ZNF43: variants seen among roughly 807,000 people sequenced by gnomAD.
The protein encoded by ZNF43 is zinc finger protein 39-like 1 (KOX 27).
In ZNF43, 44 loss-of-function variants were observed where a neutral mutation model predicts 68.4. That is an observed-to-expected ratio of 0.64 (90% confidence interval 0.51 to 0.83). ZNF43 has a LOEUF of 0.83. Ranked by LOEUF, ZNF43 falls within the 40% of genes least tolerant of loss-of-function variation. ZNF43 has a pLI of 0.00. For missense variants in ZNF43, 896 were observed against 933.2 expected (o/e 0.96, Z 0.52); for synonymous variants, 308 against 307.8 (o/e 1.00, Z -0.01).
rs985820873 is a variant in ZNF43, at chr19:21,807,330, A to G, written c.*277T>C. ...TGAAAGATCTTTTGACACTAGTTGC[A>G]TCTATAATGGTTTTATTAAGTACAG... On this transcript the variant is annotated 3_prime_UTR_variant, in exon 4 of 4. Coordinates refer to ENST00000354959, the MANE Select transcript of ZNF43 (RefSeq NM_003423.4). The G allele has an allele frequency of 3.2e-5, 8 of 249,092 alleles. No individual in the cohort carries two copies. The Admixed American group carries it at 3.9e-4, about 12-fold the overall frequency. The allele number at this position is 249,092 out of a possible 1,614,324, so 15.4% of individuals were successfully genotyped here.
rs936576381 is a variant in ZNF43 at position 21,809,356 on chromosome 19, C to T, written c.681G>A (p.Glu227=). The T allele has an allele frequency of 1.9e-6, 3 of 1,613,664 alleles. No individual in the cohort carries two copies. In the African/African-American group the frequency reaches 4.0e-5, roughly 22 times the overall value. Residue 227 remains glutamate (E), a synonymous_variant, in exon 4 of 4, where the codon GAG becomes GAA. Coordinates refer to ENST00000354959, the MANE Select transcript of ZNF43 (RefSeq NM_003423.4). The part of the protein sequence containing the change: ...ITKHKRINTG[E]KPYTCEECGK... ...CACATTCTTCACATGTGTAGGGTTT[C>T]TCTCCAGTATTAATTCTCTTATGTT... is the stretch of plus-strand genomic sequence containing the variant.
At chr19:21,849,729 C>T (rs1050406816) in intron 1 of ZNF43, among the ~76,000 whole-genome samples, 6 of 150,756 alleles carry the variant, frequency 4.0e-5, no homozygotes, top group South Asian at 2.1e-4. Flanking sequence ...GCAACATAAA[C>T]GAAACTCCAT....
At chr19:21,810,705 T>G (rs1247976864) in intron 3 of ZNF43, among the ~76,000 whole-genome samples, 1 of 152,136 alleles carries the variant, frequency 6.6e-6, no homozygotes, top group Non-Finnish European at 1.5e-5. Context: ...TCCTAAAATT[T>G]TGGAAACAAA....
rs1044849347 is a variant in ZNF43, at chr19:21,824,294, C to T, written c.4-5073G>A. On this transcript the variant is annotated intron_variant, in intron 1 of 3. Transcript: ENST00000354959. Reference sequence around the variant, plus strand: ...AGACAAAAATACCCTACTCCAGTATCGTATTTTATGGGTAGGTATAGCTGT... The same window carrying T: ...AGACAAAAATACCCTACTCCAGTATTGTATTTTATGGGTAGGTATAGCTGT... Among the ~76,000 whole-genome samples the T allele has an allele frequency of 3.9e-5, 6 of 152,142 alleles. No individual in the cohort carries two copies. In the East Asian group the frequency reaches 5.8e-4, roughly 15 times the overall value.
chr19:21,832,465 A>G (rs1336565052), intron 1 of ZNF43, among the ~76,000 whole-genome samples: 1 of 152,194 alleles, frequency 6.6e-6, no homozygotes, highest in Non-Finnish European at 1.5e-5. Context: ...TCTAGACATA[A>G]GAACCAGAAG....
intron 1 of ZNF43, among the ~76,000 whole-genome samples, chr19:21,832,796 T>C (rs1201218455): frequency 6.6e-6 from 1 of 152,044 alleles, no homozygotes; most frequent in Non-Finnish European, 1.5e-5. Context: ...ACCTGGGAGA[T>C]GGAGGGTGCA....
intron 3 of ZNF43, among the ~76,000 whole-genome samples, chr19:21,814,600 G>A (rs981223376): frequency 1.3e-5 from 2 of 151,702 alleles, no homozygotes; most frequent in African/African-American, 2.4e-5. Flanking sequence ...TAGTAGAGAC[G>A]GGGTTTCACC....
intron 1 of ZNF43, among the ~76,000 whole-genome samples, chr19:21,823,571 CTTTTTT>C (rs10605024): frequency 3.7e-4 from 31 of 83,518 alleles, no homozygotes; most frequent in Admixed American, 1.2e-3. Context: ...AGAATCAGGC[CTTTTTT>C]TTTTTTTTTT....
At chr19:21,844,960 C>T (rs1226979457) in intron 1 of ZNF43, among the ~76,000 whole-genome samples, 5 of 108,150 alleles carry the variant, frequency 4.6e-5, no homozygotes, top group African/African-American at 2.0e-4. Context: ...TACAATGTTA[C>T]AATTACACCT....
In ZNF43 at chr19:21,807,610, T is replaced by G. The variant is rs759238845; in HGVS notation, c.2427A>C (p.Lys809Asn). 6.5e-7 allele frequency: 1 copy of G among 1,534,712 alleles called. No homozygotes were observed. Among genetic ancestry groups the G allele is most frequent in the South Asian group, 1.3e-5 (1 of 75,980 alleles). The change falls in exon 4 of 4, where the codon AAA (lysine) becomes AAC (asparagine). Residue 809 changes from lysine (K) to asparagine (N), a missense_variant. By Grantham distance (94) the Lys-to-Asn change is moderately conservative (BLOSUM62 0). Coordinates refer to ENST00000354959, the MANE Select transcript of ZNF43 (RefSeq NM_003423.4). Reference protein sequence around the residue: ...LTTPQTFSNIK With the variant: ...LTTPQTFSNIN ...TAGAATTTCTCACCAGTATAATTTA[T>G]TTTATGTTTGAAAAAGTTTGAGGTG... is the stretch of plus-strand genomic sequence containing the variant.
At position 21,844,783 on chromosome 19, in the gene ZNF43, G is replaced by C. The variant is rs945270323; in HGVS notation, c.30+7122C>G. ...ATGGTGGCAGACACCTGTAGTCCCA[G>C]CTACTTGGGAGGCTGAGGCAGGAGA... On this transcript the variant is annotated intron_variant, in intron 1 of 3. Coordinates refer to the ZNF43 transcript ENST00000357491. 6.7e-5 allele frequency among the ~76,000 whole-genome samples: 10 copies of C among 149,832 alleles called. No homozygotes were observed. The Admixed American group carries it at 6.7e-4, about 10-fold the overall frequency.
chr19:21,813,562 AT>A (rs1179570372), intron 3 of ZNF43, among the ~76,000 whole-genome samples: 2 of 152,214 alleles, frequency 1.3e-5, no homozygotes, highest in African/African-American at 2.4e-5. Flanking sequence ...AAGTAATGAA[AT>A]TATGGATACC....
intron 1 of ZNF43, among the ~76,000 whole-genome samples, chr19:21,848,551 T>C (rs1452079046): frequency 6.6e-6 from 1 of 152,172 alleles, no homozygotes; most frequent in Non-Finnish European, 1.5e-5. Context: ...AGTACTATTT[T>C]ACAATACCCA....
intron 1 of ZNF43, among the ~76,000 whole-genome samples, chr19:21,822,393 C>T (rs2037896280): frequency 6.6e-6 from 1 of 152,300 alleles, no homozygotes; most frequent in Admixed American, 6.5e-5. Context: ...AACATGGATG[C>T]TTCCACGCAG....
At chr19:21,819,370 T>A in intron 1 of ZNF43, 149 bp from the exon 2 acceptor site, 1 of 922,132 alleles carries the variant, frequency 1.1e-6, no homozygotes, top group Non-Finnish European at 1.5e-6. Context: ...ATAAAATAAT[T>A]CTTTTCATGG....
At chr19:21,815,920 G>T (rs1343087634) in intron 3 of ZNF43, among the ~76,000 whole-genome samples, 2 of 151,944 alleles carry the variant, frequency 1.3e-5, no homozygotes, top group Non-Finnish European at 2.9e-5. Context: ...AATTAGCCAG[G>T]TGTGATGGGG....
At chr19:21,833,928 G>A (rs1191485838) in intron 1 of ZNF43, among the ~76,000 whole-genome samples, 7 of 152,006 alleles carry the variant, frequency 4.6e-5, no homozygotes, top group Admixed American at 4.6e-4. Context: ...TCGGGAGGCT[G>A]AGTCAGCAGA....
intron 1 of ZNF43, among the ~76,000 whole-genome samples, chr19:21,832,845 C>T (rs936866112): frequency 1.3e-5 from 2 of 151,316 alleles, no homozygotes; most frequent in Admixed American, 1.3e-4. Context: ...AGTGGGGCAA[C>T]AGAGTGAGAC....
chr19:21,842,547 A>T (rs997430239), intron 1 of ZNF43, among the ~76,000 whole-genome samples: 1 of 152,096 alleles, frequency 6.6e-6, no homozygotes, highest in Non-Finnish European at 1.5e-5. Context: ...GGGACCGTGC[A>T]GCACAGTCAC....
Sources: gnomAD v4.1 joint callset for allele counts (sites outside exome capture counted in the v4.1 genomes callset) on GRCh38, gnomAD v4.1.1 for gene constraint, MANE v1.5 for transcripts, NCBI Gene and HGNC (gene_info 2026-07-23, HGNC 2026-07-21) for gene names.